The following ANO1 variants were observed in gnomAD, a reference collection of about 807,000 sequenced individuals.
ANO1 encodes anoctamin 1.
In ANO1, 59 loss-of-function variants were observed where a neutral mutation model predicts 124.0. The observed-to-expected ratio is 0.48, with a 90% CI of 0.39 to 0.59. ANO1 has a LOEUF of 0.59. ANO1 is among the 20% of genes least tolerant of loss of function. The pLI is 0.00. For missense variants in ANO1, 1,059 were observed against 1,328.0 expected (o/e 0.80, Z 3.15); for synonymous variants, 529 against 532.0 (o/e 0.99, Z 0.08).
At chr11:69,991,456 TGC>T in intron 1 of ANO1, among the ~76,000 whole-genome samples, 1 of 152,158 alleles carries the variant, frequency 6.6e-6, no homozygotes, top group Non-Finnish European at 1.5e-5. Context: ...GAGAGGAGCC[TGC>T]CCCCCTGTCC....
chr11:70,089,718 G>A (rs2044543536), intron 2 of ANO1, among the ~76,000 whole-genome samples: 1 of 152,214 alleles, frequency 6.6e-6, no homozygotes, highest in Non-Finnish European at 1.5e-5. Context: ...CAGCTGCCAG[G>A]GAACAGTGTC....
At chr11:70,049,701 TTTGTTTG>T (rs1857321377) in intron 1 of ANO1, among the ~76,000 whole-genome samples, 1 of 86,950 alleles carries the variant, frequency 1.2e-5, no homozygotes. Context: ...TTTTTGTTTG[TTTGTTTG>T]TTTGTTTGTT....
rs1317207762 is a variant in ANO1 at position 70,165,589 on chromosome 11, G to A, written c.2051+19G>A. The A allele has an allele frequency of 6.2e-7, 1 of 1,601,608 alleles. No individual in the cohort carries two copies. The highest frequency in any genetic ancestry group is 8.5e-7 in the Non-Finnish European group (1 of 1,172,724). ...GCATCCCGTGAGTGTGCTGCAGCGG[G>A]TTAGAGCGGCAGGGGCGGGGCCAGG... On this transcript the variant is annotated intron_variant, in intron 20 of 25. Transcript: ENST00000355303.
chr11:70,038,056 G>A (rs1857123284), intron 1 of ANO1, among the ~76,000 whole-genome samples: 1 of 152,176 alleles, frequency 6.6e-6, no homozygotes. Flanking sequence ...GGAGGCTGAG[G>A]CAGGAGGTTT....
At chr11:70,086,847 A>G (rs754235724) in intron 1 of ANO1, among the ~76,000 whole-genome samples, 5 of 152,204 alleles carry the variant, frequency 3.3e-5, no homozygotes, top group Non-Finnish European at 5.9e-5. Flanking sequence ...TCACCTCCCA[A>G]GTAAAACGCT....
intron 1 of ANO1, among the ~76,000 whole-genome samples, chr11:70,045,169 T>A (rs1451920509): frequency 6.6e-6 from 1 of 152,186 alleles, no homozygotes; most frequent in East Asian, 1.9e-4. Context: ...AGCTAGTGAA[T>A]CCAGGTAAAG....
chr11:70,055,157 G>A (rs1256021927), intron 1 of ANO1, among the ~76,000 whole-genome samples: 1 of 151,996 alleles, frequency 6.6e-6, no homozygotes, highest in Non-Finnish European at 1.5e-5. Flanking sequence ...TGGCTTTATG[G>A]CTTAACATGG....
chr11:70,089,668 C>G (rs892827074), intron 2 of ANO1, among the ~76,000 whole-genome samples: 1 of 152,124 alleles, frequency 6.6e-6, no homozygotes, highest in Non-Finnish European at 1.5e-5. Flanking sequence ...AAAGTTTGAT[C>G]CTGACAAGGA....
intron 1 of ANO1, among the ~76,000 whole-genome samples, chr11:70,060,198 T>G (rs1857542359): frequency 6.6e-6 from 1 of 152,112 alleles, no homozygotes; most frequent in Admixed American, 6.5e-5. Context: ...TTGGAGTCAG[T>G]ATAAATGTTA....
intron 1 of ANO1, among the ~76,000 whole-genome samples, chr11:70,070,192 G>C (rs1555009133): frequency 6.6e-6 from 1 of 152,242 alleles, no homozygotes; most frequent in African/African-American, 2.4e-5. Flanking sequence ...GGTCTCTGTG[G>C]CTCACGTCAT....
chr11:70,036,816 C>G (rs12281569), intron 1 of ANO1, among the ~76,000 whole-genome samples: 2,874 of 152,234 alleles, frequency 0.019, 113 homozygotes, highest in East Asian at 0.16. Context: ...ACCGTGTTAG[C>G]CAGGATGGTC....
chr11:70,123,474 C>T (rs1206105411), intron 8 of ANO1, among the ~76,000 whole-genome samples: 1 of 152,244 alleles, frequency 6.6e-6, no homozygotes, highest in Non-Finnish European at 1.5e-5. Context: ...CCTCCAGGCA[C>T]TGGAGGAGTT....
intron 1 of ANO1, among the ~76,000 whole-genome samples, chr11:70,083,651 C>T (rs1360297957): frequency 6.6e-6 from 1 of 152,146 alleles, no homozygotes; most frequent in Non-Finnish European, 1.5e-5. Context: ...GGAGGGATCC[C>T]TGTGGAATTT....
intron 1 of ANO1, among the ~76,000 whole-genome samples, chr11:69,996,970 C>T (rs1856281917): frequency 2.6e-5 from 4 of 152,294 alleles, no homozygotes; most frequent in Middle Eastern, 3.4e-3. Flanking sequence ...GGGGTGATGT[C>T]TGCATGCTGA....
intron 11 of ANO1, 64 bp downstream of exon 11, chr11:70,132,143 C>T (rs1437092100): frequency 1.3e-6 from 2 of 1,498,712 alleles, no homozygotes; most frequent in Non-Finnish European, 8.9e-7. Context: ...ACCTAGGCTG[C>T]TTCTGTCTGT....
At chr11:70,153,209 A>G (rs951418350) in intron 14 of ANO1, 81 bp downstream of exon 14, 19 of 1,291,618 alleles carry the variant, frequency 1.5e-5, no homozygotes, top group Non-Finnish European at 1.8e-5. Flanking sequence ...ATCAGCCCAG[A>G]GAACAAATAT....
chr11:70,157,667 A>C (rs1054001787), intron 16 of ANO1, among the ~76,000 whole-genome samples: 1 of 152,098 alleles, frequency 6.6e-6, no homozygotes, highest in Non-Finnish European at 1.5e-5. Flanking sequence ...CAAAGATATC[A>C]TTTAAGATGA....
At position 70,078,690 on chromosome 11, in the gene ANO1, C is replaced by A; in HGVS notation, c.84C>A (p.Ile28=). 6.7e-7 allele frequency: 1 copy of A among 1,486,836 alleles called. No individual in the cohort carries two copies. Among genetic ancestry groups the A allele is most frequent in the Non-Finnish European group, 9.0e-7 (1 of 1,106,980 alleles). The allele number at this position is 1,486,836 out of a possible 1,614,324, so 92.1% of individuals were successfully genotyped here. ...TCAACATCTGCGCCATCGAGGACAT[C>A]GGCTACCTGCCGTCCGAGGGCACGG... ...HIINICAIED[I]GYLPSEGTLL... The change falls in exon 1 of 26, where the codon ATC becomes ATA. Residue 28 remains isoleucine (I), a synonymous_variant. Transcript: ENST00000355303.
chr11:70,159,589 G>A (rs112906176), intron 16 of ANO1, among the ~76,000 whole-genome samples: 16 of 152,336 alleles, frequency 1.1e-4, no homozygotes, highest in African/African-American at 2.9e-4. Context: ...TGCCCCACAC[G>A]CCCCTGGTCC....
Sources: gnomAD v4.1 joint callset for allele counts (sites outside exome capture counted in the v4.1 genomes callset) on GRCh38, gnomAD v4.1.1 for gene constraint, MANE v1.5 for transcripts, NCBI Gene and HGNC (gene_info 2026-07-23, HGNC 2026-07-21) for gene names.